Variants in FAM13B observed in about 807,000 individuals in gnomAD.
The protein encoded by FAM13B is protein FAM13B.
In FAM13B, 60 loss-of-function variants were observed where a neutral mutation model predicts 117.3. The observed-to-expected ratio is 0.51, with a 90% confidence interval of 0.42 to 0.63. The LOEUF is 0.63. FAM13B is among the 30% of genes least tolerant of loss of function. FAM13B has a pLI of 0.00. For missense variants in FAM13B, 972 were observed against 1,091.9 expected, an observed-to-expected ratio of 0.89 and a Z score of 1.55; for synonymous variants, 332 against 356.1, an observed-to-expected ratio of 0.93 and a Z score of 0.76.
chr5:138,002,403 C>T (rs1581221583), intron 7 of FAM13B, among the ~76,000 whole-genome samples: 1 of 151,826 alleles, frequency 6.6e-6, no homozygotes, highest in East Asian at 2.0e-4. Flanking sequence ...TGGTGGTGGG[C>T]GCCTGTAATC....
chr5:138,018,184 AAAT>A (rs1785730766), intron 4 of FAM13B, 115 bp downstream of exon 4: 2 of 913,820 alleles, frequency 2.2e-6, no homozygotes, highest in East Asian at 5.3e-5. Context: ...GCAAATGAGA[AAAT>A]AACAAATTAA....
intron 10 of FAM13B, among the ~76,000 whole-genome samples, chr5:137,968,902 G>C (rs924106120): frequency 6.6e-6 from 1 of 152,186 alleles, no homozygotes; most frequent in Non-Finnish European, 1.5e-5. Flanking sequence ...CTTTTCCGAC[G>C]GGCTTAAAAA....
chr5:138,005,107 C>A (rs979739648), intron 7 of FAM13B, among the ~76,000 whole-genome samples: 1 of 152,070 alleles, frequency 6.6e-6, no homozygotes, highest in Non-Finnish European at 1.5e-5. Flanking sequence ...CATGGTGATG[C>A]GTGCCTATAG....
intron 11 of FAM13B, among the ~76,000 whole-genome samples, chr5:137,962,110 A>G (rs1039835507): frequency 6.6e-6 from 1 of 152,222 alleles, no homozygotes; most frequent in Non-Finnish European, 1.5e-5. Flanking sequence ...GTATACTCAG[A>G]ATATCAGTAA....
At chr5:137,991,589 C>A (rs1393257180) in intron 7 of FAM13B, among the ~76,000 whole-genome samples, 1 of 152,010 alleles carries the variant, frequency 6.6e-6, no homozygotes, top group South Asian at 2.1e-4. Flanking sequence ...TAGTATGGCA[C>A]CCACACAAAA....
At chr5:137,958,427 TA>T (rs952629450) in intron 13 of FAM13B, among the ~76,000 whole-genome samples, 18 of 149,812 alleles carry the variant, frequency 1.2e-4, no homozygotes, top group African/African-American at 4.2e-4. Flanking sequence ...TTGGGGCTCT[TA>T]AAAAAAAATG....
At chr5:138,030,775 T>C (rs1352478093) in intron 1 of FAM13B, among the ~76,000 whole-genome samples, 1 of 133,740 alleles carries the variant, frequency 7.5e-6, no homozygotes, top group African/African-American at 2.8e-5. Flanking sequence ...GGCTCACACC[T>C]GTAATCCCAG....
intron 4 of FAM13B, among the ~76,000 whole-genome samples, chr5:138,013,717 C>T (rs1389075948): frequency 6.6e-6 from 1 of 152,104 alleles, no homozygotes; most frequent in African/African-American, 2.4e-5. Flanking sequence ...GAAATTTTAA[C>T]AACCTAAGCA....
chr5:138,002,794 T>C (rs374800815), intron 7 of FAM13B, among the ~76,000 whole-genome samples: 56 of 149,258 alleles, frequency 3.8e-4, no homozygotes, highest in African/African-American at 1.3e-3. Context: ...GCCTCCCGAG[T>C]AGCTGGGAAT....
At chr5:137,989,709 T>C (rs955592709) in intron 7 of FAM13B, among the ~76,000 whole-genome samples, 1 of 152,110 alleles carries the variant, frequency 6.6e-6, no homozygotes, top group East Asian at 1.9e-4. Context: ...ATGCCTGTAG[T>C]CCTAGCTACT....
chr5:138,003,624 C>G (rs1781807225), intron 7 of FAM13B, among the ~76,000 whole-genome samples: 1 of 152,098 alleles, frequency 6.6e-6, no homozygotes, highest in African/African-American at 2.4e-5. Flanking sequence ...AAACTAGCTC[C>G]TCCCTCCATC....
intron 2 of FAM13B, among the ~76,000 whole-genome samples, chr5:138,020,139 C>CTA (rs2150980000): frequency 6.6e-6 from 1 of 152,060 alleles, no homozygotes; most frequent in South Asian, 2.1e-4. Flanking sequence ...TGGCTCACTG[C>CTA]AACATTCACC....
At chr5:138,022,923 G>A (rs1351589510) in intron 1 of FAM13B, among the ~76,000 whole-genome samples, 4 of 151,658 alleles carry the variant, frequency 2.6e-5, no homozygotes, top group African/African-American at 9.7e-5. Context: ...CAAACTCCTG[G>A]ACCCAAGCAA....
At chr5:137,955,648 T>TA (rs1190806380) in intron 14 of FAM13B, among the ~76,000 whole-genome samples, 1 of 152,198 alleles carries the variant, frequency 6.6e-6, no homozygotes, top group African/African-American at 2.4e-5. Context: ...TTTATTTTTT[T>TA]AGAGATGGAG....
intron 1 of FAM13B, among the ~76,000 whole-genome samples, chr5:138,022,172 G>C (rs1035923599): frequency 4.6e-5 from 7 of 151,506 alleles, no homozygotes; most frequent in African/African-American, 1.7e-4. Context: ...TAGTTTAACT[G>C]AGATAACATA....
intron 1 of FAM13B, among the ~76,000 whole-genome samples, chr5:138,025,288 C>CATATATATATATATAT (rs67314207): frequency 8.3e-4 from 77 of 92,626 alleles, no homozygotes; most frequent in Non-Finnish European, 1.1e-3. Flanking sequence ...CAAACAAAGC[C>CATATATATATATATAT]ATATATATAT....
chr5:138,025,017 C>T (rs1356735909), intron 1 of FAM13B, among the ~76,000 whole-genome samples: 1 of 151,486 alleles, frequency 6.6e-6, no homozygotes, highest in Non-Finnish European at 1.5e-5. Flanking sequence ...ATCATAGGCA[C>T]GTGCCACCAT....
At position 138,007,126 on chromosome 5, in the gene FAM13B, C is replaced by G. The variant is rs888335934; in HGVS notation, c.712G>C (p.Glu238Gln). The G allele has an allele frequency of 6.2e-7, 1 of 1,609,206 alleles. No individual in the cohort carries two copies. Among genetic ancestry groups the G allele is most frequent in the Non-Finnish European group, 8.5e-7 (1 of 1,178,750 alleles). ...TEQVNELSEE[E>Q]EEDEKLEHIE... is the part of the protein sequence containing the mutation. ...TGTTCCAGCTTTTCATCTTCCTCTTCTTCCTCAGAAAGTTCATTAACCTAT... is the reference window on the plus strand; with the variant it reads ...TGTTCCAGCTTTTCATCTTCCTCTTGTTCCTCAGAAAGTTCATTAACCTAT... The change falls in exon 7 of 24, where the codon GAA becomes CAA. Residue 238 changes from glutamate to glutamine, a missense_variant. Glu to Gln is a conservative substitution (Grantham distance 29). Coordinates refer to ENST00000689681, the MANE Select transcript of FAM13B (RefSeq NM_001385994.1).
chr5:137,982,039 C>T (rs1168211802), intron 10 of FAM13B, among the ~76,000 whole-genome samples: 7 of 152,118 alleles, frequency 4.6e-5, no homozygotes, highest in Admixed American at 3.3e-4. Context: ...TTCCGTAGTG[C>T]CTATAGCTAT....
Sources: allele counts gnomAD v4.1 joint callset (sites outside exome capture counted in the v4.1 genomes callset), GRCh38; gene constraint gnomAD v4.1.1; transcripts MANE v1.5; gene names NCBI Gene and HGNC (gene_info 2026-07-23, HGNC 2026-07-21).